POFUT3: variants seen among roughly 807,000 people sequenced by gnomAD.
POFUT3 encodes the protein protein O-fucosyltransferase 3.
At chr8:33,423,396 G>T in the POFUT3 span, among the ~76,000 whole-genome samples, 7 of 151,908 alleles carry the variant, frequency 4.6e-5, no homozygotes, top group Non-Finnish European at 1.0e-4. Context: ...AGCCTCCTGA[G>T]TAGATAGGAC....
chr8:33,352,152 A>T, the POFUT3 span, among the ~76,000 whole-genome samples: 4,672 of 152,302 alleles, frequency 0.031, 231 homozygotes, highest in African/African-American at 0.11. Flanking sequence ...GTGAAGCCAC[A>T]GTCACTGCTT....
At chr8:33,396,545 C>T in the POFUT3 span, among the ~76,000 whole-genome samples, 1 of 152,140 alleles carries the variant, frequency 6.6e-6, no homozygotes, top group Non-Finnish European at 1.5e-5. Context: ...CCATCCTAGG[C>T]TTCTATTTTC....
the POFUT3 span, among the ~76,000 whole-genome samples, chr8:33,318,490 ACATAT>A: frequency 1.6e-5 from 2 of 125,868 alleles, no homozygotes; most frequent in East Asian, 4.3e-4. Flanking sequence ...TATATAATGT[ACATAT>A]ATTATAATAT....
At chr8:33,319,506 T>A in the POFUT3 span, among the ~76,000 whole-genome samples, 1 of 28,926 alleles carries the variant, frequency 3.5e-5, no homozygotes, top group African/African-American at 2.9e-4. Flanking sequence ...ATATATATTT[T>A]TATATATTAT....
chr8:33,407,987 CAAAA>C, the POFUT3 span, among the ~76,000 whole-genome samples: 4 of 83,760 alleles, frequency 4.8e-5, no homozygotes, highest in Non-Finnish European at 7.4e-5. Flanking sequence ...GACTCCATCT[CAAAA>C]AAAAAAAAAA....
the POFUT3 span, among the ~76,000 whole-genome samples, chr8:33,348,170 CAAAAA>C: frequency 6.3e-5 from 6 of 95,064 alleles, no homozygotes; most frequent in Admixed American, 1.2e-4. Context: ...GACTCTGCCT[CAAAAA>C]AAAAAAAAAA....
At chr8:33,440,464 C>G in the POFUT3 span, among the ~76,000 whole-genome samples, 1 of 152,158 alleles carries the variant, frequency 6.6e-6, no homozygotes, top group Non-Finnish European at 1.5e-5. Context: ...AGCTTGTTTT[C>G]TTTGCCACTA....
the POFUT3 span, among the ~76,000 whole-genome samples, chr8:33,309,674 G>A: frequency 6.6e-6 from 1 of 152,042 alleles, no homozygotes; most frequent in East Asian, 1.9e-4. Flanking sequence ...ATCATCAATT[G>A]TTCCCAGGCG....
At chr8:33,449,935 C>CTTTTTTT in the POFUT3 span, among the ~76,000 whole-genome samples, 9 of 112,322 alleles carry the variant, frequency 8.0e-5, no homozygotes, top group African/African-American at 1.0e-4. Context: ...TGAAGCTTTT[C>CTTTTTTT]TTTTTTTTTT....
the POFUT3 span, among the ~76,000 whole-genome samples, chr8:33,346,175 A>AC: frequency 3.3e-5 from 5 of 151,668 alleles, no homozygotes; most frequent in African/African-American, 1.2e-4. Context: ...AAAAAAAAAA[A>AC]AAAACTCTGT....
At chr8:33,428,926 C>T in the POFUT3 span, among the ~76,000 whole-genome samples, 2 of 152,276 alleles carry the variant, frequency 1.3e-5, no homozygotes, top group Admixed American at 6.5e-5. Flanking sequence ...TATTCTGTTA[C>T]AGTAGCACAA....
the POFUT3 span, among the ~76,000 whole-genome samples, chr8:33,450,703 G>C: frequency 1.3e-5 from 2 of 152,184 alleles, no homozygotes; most frequent in Non-Finnish European, 1.5e-5. Context: ...GTCACTGATA[G>C]TTTTGGGCAC....
the POFUT3 span, among the ~76,000 whole-genome samples, chr8:33,319,886 T>A: frequency 1.4e-5 from 2 of 147,448 alleles, 1 homozygote; most frequent in East Asian, 4.0e-4. Context: ...TATAGCTAGC[T>A]GCACCTGGAC....
chr8:33,403,102 T>C, the POFUT3 span, among the ~76,000 whole-genome samples: 1 of 151,758 alleles, frequency 6.6e-6, no homozygotes, highest in Non-Finnish European at 1.5e-5. Context: ...ACTAATAATA[T>C]ATACTCAATA....
chr8:33,366,411 AACTTC>A, the POFUT3 span, among the ~76,000 whole-genome samples: 5 of 152,072 alleles, frequency 3.3e-5, no homozygotes, highest in Non-Finnish European at 4.4e-5. Context: ...ATATTAAAGA[AACTTC>A]ACTTGTAGAA....
the POFUT3 span, chr8:33,372,956 T>C: frequency 3.2e-5 from 23 of 724,906 alleles, no homozygotes; most frequent in African/African-American, 2.1e-4. Context: ...TTAATTCTTA[T>C]GGTAAGCATA....
chr8:33,458,745 A>C, the POFUT3 span, among the ~76,000 whole-genome samples: 6 of 152,040 alleles, frequency 3.9e-5, no homozygotes, highest in African/African-American at 4.8e-5. Context: ...AAAACAAAAA[A>C]AAACTTCCCA....
the POFUT3 span, among the ~76,000 whole-genome samples, chr8:33,374,326 C>A: frequency 2.0e-5 from 3 of 152,110 alleles, no homozygotes; most frequent in Non-Finnish European, 2.9e-5. Context: ...GGTATTATTC[C>A]CCATAATCCA....
At chr8:33,331,207 G>C in the POFUT3 span, among the ~76,000 whole-genome samples, 1 of 120,752 alleles carries the variant, frequency 8.3e-6, no homozygotes, top group Non-Finnish European at 1.7e-5. Flanking sequence ...CCGGGCGCGC[G>C]CCTGTAATCC....
Sources: allele counts gnomAD v4.1 joint callset (sites outside exome capture counted in the v4.1 genomes callset), GRCh38; gene constraint gnomAD v4.1.1; transcripts MANE v1.5; gene names NCBI Gene and HGNC (gene_info 2026-07-23, HGNC 2026-07-21).